Variants in TBC1D2B observed in about 807,000 individuals in gnomAD.
TBC1D2B encodes the protein TBC1 domain family, member 2B.
A neutral mutation model predicts 100.8 loss-of-function variants in TBC1D2B; 64 were observed. That is an observed-to-expected ratio of 0.64 (90% confidence interval 0.52 to 0.78). TBC1D2B has a LOEUF of 0.78. Among genes scored for constraint, TBC1D2B ranks in the 30% least tolerant of loss-of-function variants. The pLI, the probability that TBC1D2B is intolerant of heterozygous loss-of-function variation, is 0.00. For synonymous variants in TBC1D2B, 480 were observed against 479.7 expected (o/e 1.00, Z -0.01); for missense variants, 1,052 against 1,218.4 (o/e 0.86, Z 2.03).
chr15:78,052,712 C>A (rs2073339692), intron 2 of TBC1D2B, among the ~76,000 whole-genome samples: 2 of 152,210 alleles, frequency 1.3e-5, no homozygotes, highest in Non-Finnish European at 2.9e-5. Flanking sequence ...AAATCAAGCA[C>A]CTCCTGTGCC....
chr15:78,021,274 A>G (rs888542693), intron 6 of TBC1D2B, among the ~76,000 whole-genome samples: 1 of 151,982 alleles, frequency 6.6e-6, no homozygotes, highest in Non-Finnish European at 1.5e-5. Context: ...AAGATATATA[A>G]ACATATCTTT....
At position 78,003,539 on chromosome 15, in the gene TBC1D2B, G is replaced by A. The variant is rs755944359; in HGVS notation, c.2389-49C>T. On this transcript the variant is annotated intron_variant, in intron 10 of 12. Transcript: ENST00000300584. ...AGTGTATCAGGCCTGCCAGGTCACC[G>A]GGTAAGCAGACGAGCAGACGCGCAA... is the stretch of plus-strand genomic sequence containing the variant. The A allele has an allele frequency of 4.9e-5, 74 of 1,497,356 alleles. No individual in the cohort carries two copies. In the Admixed American group the frequency reaches 5.6e-4, roughly 11 times the overall value. The allele number at this position is 1,497,356 out of a possible 1,614,324, so 92.8% of individuals were successfully genotyped here. A position where few individuals can be genotyped will look rare whatever the true frequency, so the allele number is the denominator to read the frequency against.
chr15:78,065,982 C>T (rs1489990138), intron 1 of TBC1D2B: 2 of 470,442 alleles, frequency 4.3e-6, no homozygotes, highest in Non-Finnish European at 8.8e-6. Context: ...TCATTGTTAC[C>T]CACTTCTCTC....
intron 12 of TBC1D2B, chr15:77,998,621 C>T (rs1307674424): frequency 7.8e-5 from 33 of 423,892 alleles, no homozygotes; most frequent in Non-Finnish European, 1.3e-4. Flanking sequence ...CCTTTTCTGG[C>T]CTCTGATCTT....
At chr15:78,031,706 A>C (rs771591050) in intron 3 of TBC1D2B, among the ~76,000 whole-genome samples, 2 of 152,186 alleles carry the variant, frequency 1.3e-5, no homozygotes, top group Admixed American at 6.5e-5. Flanking sequence ...TATTTCATTA[A>C]AAGTTTTAAA....
At chr15:78,009,795 A>G (rs1348421489) in intron 9 of TBC1D2B, among the ~76,000 whole-genome samples, 5 of 152,084 alleles carry the variant, frequency 3.3e-5, no homozygotes, top group Admixed American at 6.5e-5. Flanking sequence ...TGACACGGTG[A>G]AACCCTGTCT....
At chr15:78,030,857 G>T (rs1303071884) in intron 3 of TBC1D2B, among the ~76,000 whole-genome samples, 1 of 152,124 alleles carries the variant, frequency 6.6e-6, no homozygotes, top group African/African-American at 2.4e-5. Context: ...AATAAACTGT[G>T]GCATATTCAT....
chr15:78,003,584 A>C, intron 10 of TBC1D2B, 94 bp from the exon 11 acceptor site: 2 of 889,426 alleles, frequency 2.2e-6, no homozygotes, highest in Non-Finnish European at 1.8e-6. Flanking sequence ...CTGGGGGTGG[A>C]GCCCAAGTGA....
Position 78,024,433 on chromosome 15 carries a change from A to G in TBC1D2B, c.1193T>C (p.Leu398Pro), listed in dbSNP as rs751746147. Residue 398 changes from leucine to proline, a missense_variant, in exon 6 of 13, where the codon CTG becomes CCG. Around this residue, in one of 4 missense-constraint regions of TBC1D2B, gnomAD observed 627 missense variants for 646.1 expected, o/e 0.97. Coordinates refer to ENST00000300584, the MANE Select transcript of TBC1D2B (RefSeq NM_144572.2). Reference sequence around the variant, plus strand: ...CAGAATCTGATCATCCTTTTGGTGCAGAAGCTCGAGCGTGTCCTTTGGGAC... The same window carrying G: ...CAGAATCTGATCATCCTTTTGGTGCGGAAGCTCGAGCGTGTCCTTTGGGAC... The part of the protein sequence containing the change: ...EGVPKDTLEL[L>P]HQKDDQILGL... 8 of 1,614,022 alleles carry G rather than the reference A, an allele frequency of 5.0e-6. No homozygotes were observed. Among genetic ancestry groups the G allele is most frequent in the Non-Finnish European group, 6.8e-6 (8 of 1,179,896 alleles).
intron 8 of TBC1D2B, among the ~76,000 whole-genome samples, chr15:78,013,635 A>T (rs1017011585): frequency 6.6e-6 from 1 of 152,218 alleles, no homozygotes; most frequent in African/African-American, 2.4e-5. Context: ...AAGATTGATA[A>T]ATTTGGCTAC....
intron 2 of TBC1D2B, among the ~76,000 whole-genome samples, chr15:78,048,084 C>G (rs1023187068): frequency 5.9e-5 from 9 of 152,124 alleles, no homozygotes; most frequent in Non-Finnish European, 1.2e-4. Flanking sequence ...TGCCTATTAC[C>G]AAGAAAACCC....
chr15:78,025,661 G>A, intron 4 of TBC1D2B, 164 bp from the exon 5 acceptor site: 1 of 445,162 alleles, frequency 2.2e-6, no homozygotes, highest in South Asian at 3.4e-5. Flanking sequence ...CGAGTAGCTG[G>A]GACTACAAGC....
intron 1 of TBC1D2B, among the ~76,000 whole-genome samples, chr15:78,068,598 G>C (rs1444924452): frequency 1.3e-5 from 2 of 152,194 alleles, no homozygotes; most frequent in African/African-American, 4.8e-5. Flanking sequence ...AAACCATCCT[G>C]AATCTGTAGC....
chr15:78,069,743 C>G (rs1312156246), intron 1 of TBC1D2B, among the ~76,000 whole-genome samples: 1 of 152,164 alleles, frequency 6.6e-6, no homozygotes, highest in Non-Finnish European at 1.5e-5. Context: ...TAGATAGATA[C>G]ATACATACAT....
chr15:78,011,525 T>C (rs2072225063), intron 9 of TBC1D2B, among the ~76,000 whole-genome samples: 4 of 149,556 alleles, frequency 2.7e-5, no homozygotes, highest in African/African-American at 7.4e-5. Context: ...GGCTGGAGTG[T>C]AGTGGTGTGA....
chr15:78,024,209 A>T lies in TBC1D2B; in HGVS notation c.1417T>A (p.Ser473Thr). The change falls in exon 6 of 13, where the codon TCC (serine) becomes ACC (threonine). Residue 473 changes from serine to threonine, a missense_variant. By Grantham distance (58) the Ser-to-Thr change is moderately conservative. Transcript: ENST00000300584. ...NGPPPTVAPS[S>T]PSVVPVARDQ... ...CTGGCAACAGGCACAACCGAAGGGG[A>T]GCTGGGCGCCACGGTGGGAGGAGGC... 3 of 1,613,802 alleles carry T rather than the reference A, an allele frequency of 1.9e-6. No homozygotes were observed. Among genetic ancestry groups the T allele is most frequent in the Non-Finnish European group, 2.5e-6 (3 of 1,179,870 alleles).
intron 12 of TBC1D2B, among the ~76,000 whole-genome samples, chr15:78,000,914 A>G (rs1347726946): frequency 6.6e-6 from 1 of 152,096 alleles, no homozygotes; most frequent in Non-Finnish European, 1.5e-5. Context: ...CTCTCCCCCT[A>G]GAGCCCTCTA....
At position 78,040,650 on chromosome 15, in the gene TBC1D2B, G is replaced by GAGAA. The variant is rs67225231; in HGVS notation, c.683+4246_683+4249dup. On this transcript the variant is annotated intron_variant, in intron 3 of 12. Coordinates refer to ENST00000300584, the MANE Select transcript of TBC1D2B (RefSeq NM_144572.2). ...AGAGAAAGAAAAAGAAAGAAAGGAA[G>GAGAA]AGAAAGAAAGAAAGAGAAAGAAAAA... is the stretch of plus-strand genomic sequence containing the variant. Among the ~76,000 whole-genome samples, 6 of 118,670 alleles carry GAGAA rather than the reference G, an allele frequency of 5.1e-5. No individual in the cohort carries two copies. In the South Asian group the frequency reaches 1.7e-3, roughly 33 times the overall value. 77.9% of individuals were successfully genotyped at this position (118,670 alleles called of 152,430 possible).
At chr15:78,048,113 A>T (rs1431910564) in intron 2 of TBC1D2B, among the ~76,000 whole-genome samples, 1 of 152,154 alleles carries the variant, frequency 6.6e-6, no homozygotes, top group African/African-American at 2.4e-5. Context: ...GCAGCAACCC[A>T]CAGCCCATAC....
Sources: gnomAD v4.1 joint callset for allele counts (sites outside exome capture counted in the v4.1 genomes callset) on GRCh38, gnomAD v4.1.1 for gene constraint, gnomAD v4.1.1 regional missense constraint, MANE v1.5 for transcripts, NCBI Gene and HGNC (gene_info 2026-07-23, HGNC 2026-07-21) for gene names.